The following AP2A2 variants were observed in gnomAD, a reference collection of about 807,000 sequenced individuals.
AP2A2 encodes AP-2 complex subunit alpha-2.
AP2A2 carries 32 observed loss-of-function variants against 104.2 expected under a neutral mutation model. The ratio of observed to expected loss-of-function variants is 0.31; its 90% confidence interval spans 0.23 to 0.41. The LOEUF (loss-of-function observed/expected upper bound fraction) is 0.41, where lower values mean the gene tolerates loss of function less well. Ranked by LOEUF, AP2A2 falls within the 10% of genes least tolerant of loss-of-function variation. AP2A2 has a pLI of 1.00. For synonymous variants in AP2A2, 539 were observed against 533.3 expected, an observed-to-expected ratio of 1.01 and a Z score of -0.15; for missense variants, 912 against 1,261.0, an observed-to-expected ratio of 0.72 and a Z score of 4.19.
rs768243462 is a variant in AP2A2, at chr11:992,556, T to C, written c.1323T>C (p.Tyr441=). The change falls in exon 11 of 22, where the codon TAT becomes TAC. Residue 441 remains tyrosine (Y), a synonymous_variant. Coordinates refer to ENST00000448903, the MANE Select transcript of AP2A2 (RefSeq NM_012305.4). The surrounding 1 kb of genome is among the most constrained non-coding windows in gnomAD (Gnocchi z 6.4). The stretch of plus-strand genomic sequence containing the variant: ...AGTACGCGGTGGACTACACCTGGTA[T>C]GTGGATACCATCTTGAACTTGATCC... ...AEKYAVDYTW[Y]VDTILNLIRI... The C allele has an allele frequency of 1.1e-5, 18 of 1,613,164 alleles. No homozygotes were observed. The South Asian group carries it at 1.9e-4, about 17-fold the overall frequency.
chr11:1,000,974 G>A (rs1019906978), intron 15 of AP2A2, among the ~76,000 whole-genome samples: 3 of 152,154 alleles, frequency 2.0e-5, no homozygotes, highest in Non-Finnish European at 4.4e-5. Flanking sequence ...CTGTCTAGTT[G>A]GGCTGCTTTT....
intron 1 of AP2A2, among the ~76,000 whole-genome samples, chr11:931,514 C>T (rs916174626): frequency 6.6e-5 from 10 of 152,140 alleles, no homozygotes; most frequent in Non-Finnish European, 1.0e-4. Context: ...CTTTTGAGAC[C>T]GGTCAGTTTG....
chr11:985,661 T>C, intron 8 of AP2A2, 79 bp downstream of exon 8: 1 of 1,580,914 alleles, frequency 6.3e-7, no homozygotes. Flanking sequence ...ACTGGGCGGA[T>C]CATGTCTGGT....
rs138068376 is a variant in AP2A2, at chr11:962,137, G to A, written c.136+2632G>A. ...CGCCCTGGCACCCTCTTGCTCAGCC[G>A]TGGCTCTCAACCTGGGGGAGCCGGA... On this transcript the variant is annotated intron_variant, in intron 2 of 21. Transcript: ENST00000448903. 3.4e-3 allele frequency among the ~76,000 whole-genome samples: 515 copies of A among 151,848 alleles called. 2 individuals are homozygous for A. The highest frequency in any genetic ancestry group is 0.02 in the Middle Eastern group (6 of 294).
Position 1,010,743 on chromosome 11 carries a change from C to G in AP2A2, c.*118C>G, listed in dbSNP as rs1208395000. 3 of 804,194 alleles carry G rather than the reference C, an allele frequency of 3.7e-6. No individual in the cohort carries two copies. The African/African-American group carries it at 5.1e-5, about 14-fold the overall frequency. The allele number at this position is 804,194 out of a possible 1,614,324, so 49.8% of individuals were successfully genotyped here. ...CAGTGCCACAGCACAAGGCGCCTCCCCGCCCCGCCGCCCCACACCTCTCCC... is the reference window on the plus strand; with the variant it reads ...CAGTGCCACAGCACAAGGCGCCTCCGCGCCCCGCCGCCCCACACCTCTCCC... On this transcript the variant is annotated 3_prime_UTR_variant, in exon 22 of 22. Transcript: ENST00000448903.
intron 1 of AP2A2, among the ~76,000 whole-genome samples, chr11:936,130 A>G (rs1455947609): frequency 2.1e-5 from 3 of 142,782 alleles, no homozygotes; most frequent in African/African-American, 7.9e-5. Context: ...GATGGTCTCT[A>G]TCTCCTGACC....
chr11:1,001,319 C>T (rs1283653224), intron 15 of AP2A2: 1 of 152,328 alleles, frequency 6.6e-6, no homozygotes, highest in African/African-American at 2.4e-5. Context: ...ACTGGCTGCT[C>T]TCAGCCATCT....
chr11:997,207 C>T (rs1421548196), intron 14 of AP2A2, among the ~76,000 whole-genome samples: 1 of 152,174 alleles, frequency 6.6e-6, no homozygotes, highest in East Asian at 1.9e-4. Flanking sequence ...GAGGCCAGGA[C>T]ATTTTACTTC....
chr11:957,294 C>T (rs1854268931), intron 1 of AP2A2, among the ~76,000 whole-genome samples: 1 of 152,214 alleles, frequency 6.6e-6, no homozygotes, highest in South Asian at 2.1e-4. Flanking sequence ...AAACCCTGTC[C>T]TCCTGGGCCT....
In AP2A2 at chr11:977,107, C is replaced by T. The variant is rs1855070274; in HGVS notation, c.486C>T (p.Asp162=). 6.2e-7 allele frequency: 1 copy of T among 1,613,636 alleles called. No homozygotes were observed. The highest frequency in any genetic ancestry group is 1.3e-5 in the African/African-American group (1 of 74,932). The change falls in exon 5 of 22, where the codon GAC becomes GAT. Residue 162 remains aspartate, a synonymous_variant. Coordinates refer to ENST00000448903, the MANE Select transcript of AP2A2 (RefSeq NM_012305.4). The part of the protein sequence containing the change: ...PKVLVAGDTM[D]SVKQSAALCL... ...GTCTGTCTTTCAGAGACACTATGGA[C>T]AGCGTGAAGCAGAGCGCGGCCCTGT...
intron 17 of AP2A2, chr11:1,007,765 A>G (rs931645842): frequency 3.4e-6 from 2 of 586,086 alleles, no homozygotes; most frequent in Non-Finnish European, 6.0e-6. Context: ...ACAGACAAGT[A>G]GTATATAATC....
intron 21 of AP2A2, chr11:1,010,031 ATGT>A (rs1370431328): frequency 3.0e-5 from 17 of 564,712 alleles, no homozygotes; most frequent in Non-Finnish European, 4.3e-5. Context: ...GTTGTGACAG[ATGT>A]TGTGTGCCTG....
chr11:967,655 C>G (rs183396082), intron 2 of AP2A2, among the ~76,000 whole-genome samples: 1 of 152,098 alleles, frequency 6.6e-6, no homozygotes, highest in Non-Finnish European at 1.5e-5. Context: ...CCACCATGCG[C>G]GGCCCTGTTT....
chr11:1,002,338 T>C (rs1856056145), intron 15 of AP2A2, among the ~76,000 whole-genome samples: 2 of 152,236 alleles, frequency 1.3e-5, no homozygotes, highest in African/African-American at 4.8e-5. Context: ...AAGCGATCTC[T>C]GCTTTGTTAG....
chr11:987,459 C>G (rs1341021442), intron 9 of AP2A2, among the ~76,000 whole-genome samples: 1 of 151,916 alleles, frequency 6.6e-6, no homozygotes, highest in Non-Finnish European at 1.5e-5. Flanking sequence ...ACCATCCCGG[C>G]TAACACGGTG....
rs2134609779 is a variant in AP2A2 at position 968,610 on chromosome 11, G to T, written c.137-1559G>T. 6.6e-6 allele frequency among the ~76,000 whole-genome samples: 1 copy of T among 152,298 alleles called. No homozygotes were observed. The highest frequency in any genetic ancestry group is 1.9e-4 in the East Asian group (1 of 5,160). ...TTTTTGGCTGTGGTTGTCCAAGGCG[G>T]CTTCCAGCGGGTGATGGAATCTGGG... On this transcript the variant is annotated intron_variant, in intron 2 of 21. Coordinates refer to ENST00000448903, the MANE Select transcript of AP2A2 (RefSeq NM_012305.4). This position sits in a 1 kb window ranked among gnomAD's most constrained non-coding sequence, Gnocchi z 4.2.
rs1589935580 is a variant in AP2A2, at chr11:927,839, A to AG, written c.67+1751_67+1752insG. ...CACAAAAAAAAAAAAAAAAAAAAAAAAGGCTTAGAAACACCCTCAGATCAG... is the reference window on the plus strand; with the variant it reads ...CACAAAAAAAAAAAAAAAAAAAAAAAGAGGCTTAGAAACACCCTCAGATCAG... On this transcript the variant is annotated intron_variant, in intron 1 of 21. Coordinates refer to ENST00000448903, the MANE Select transcript of AP2A2 (RefSeq NM_012305.4). 2.0e-5 allele frequency among the ~76,000 whole-genome samples: 3 copies of AG among 151,486 alleles called. No homozygotes were observed. The East Asian group carries it at 5.8e-4, about 29-fold the overall frequency.
intron 1 of AP2A2, among the ~76,000 whole-genome samples, chr11:937,214 T>G (rs544640585): frequency 6.6e-6 from 1 of 151,986 alleles, no homozygotes; most frequent in Non-Finnish European, 1.5e-5. Context: ...GAGACGGGGT[T>G]TCACTATATT....
At chr11:942,777 G>T (rs1853699786) in intron 1 of AP2A2, among the ~76,000 whole-genome samples, 1 of 152,210 alleles carries the variant, frequency 6.6e-6, no homozygotes, top group Non-Finnish European at 1.5e-5. Flanking sequence ...GATGATAAAA[G>T]GGGACTCCCT....
Sources: allele counts gnomAD v4.1 joint callset (sites outside exome capture counted in the v4.1 genomes callset), GRCh38; gene constraint gnomAD v4.1.1; non-coding constraint Gnocchi (gnomAD v3.1); transcripts MANE v1.5; gene names NCBI Gene and HGNC (gene_info 2026-07-23, HGNC 2026-07-21).